RANBP2: variants seen among roughly 807,000 people sequenced by gnomAD.
RANBP2 encodes E3 SUMO-protein ligase RanBP2.
Under a neutral mutation model 303.6 loss-of-function variants are expected in RANBP2, and 57 were observed. The ratio of observed to expected loss-of-function variants is 0.19; its 90% CI spans 0.15 to 0.23. The LOEUF is 0.23. Among genes scored for constraint, RANBP2 ranks in the 10% least tolerant of loss-of-function variants. The probability of loss-of-function intolerance (pLI) is 1.00; values close to 1 mark genes in which losing one functional copy is unlikely to be tolerated. For synonymous variants in RANBP2, 1,167 were observed against 1,301.5 expected (o/e 0.90, Z 2.23); for missense variants, 3,138 against 3,780.8 (o/e 0.83, Z 4.46).
In RANBP2 at chr2:108,765,117, A is replaced by G; in HGVS notation, c.4578A>G (p.Ser1526=). 6.2e-7 allele frequency: 1 copy of G among 1,614,066 alleles called. No individual in the cohort carries two copies. The highest frequency in any genetic ancestry group is 8.5e-7 in the Non-Finnish European group (1 of 1,179,974). Reference sequence around the variant, plus strand: ...CTGCCTCTTTTAAGTTTGGTACTTCAGAGACAAGTAAAACTCTAAAAAGTG... The same window carrying G: ...CTGCCTCTTTTAAGTTTGGTACTTCGGAGACAAGTAAAACTCTAAAAAGTG... The part of the protein sequence containing the change: ...PTPASFKFGT[S]ETSKTLKSGF... Residue 1526 remains serine, a synonymous_variant, in exon 20 of 29, where the codon TCA becomes TCG. Coordinates refer to ENST00000283195, the MANE Select transcript of RANBP2 (RefSeq NM_006267.5).
At chr2:109,508,553 T>G in the RANBP2 span, among the ~76,000 whole-genome samples, 3 of 152,014 alleles carry the variant, frequency 2.0e-5, no homozygotes, top group East Asian at 5.8e-4. Flanking sequence ...AGAGGAAACG[T>G]CAACAGACGT....
the RANBP2 span, among the ~76,000 whole-genome samples, chr2:109,371,961 C>T: frequency 3.3e-5 from 5 of 152,200 alleles, no homozygotes; most frequent in East Asian, 1.9e-4. Context: ...GCACCTTCCC[C>T]GTTTTCTCAA....
chr2:109,005,762 C>CT, the RANBP2 span, among the ~76,000 whole-genome samples: 1 of 152,234 alleles, frequency 6.6e-6, no homozygotes, highest in African/African-American at 2.4e-5. Context: ...GGCCACAAAA[C>CT]TTTGCTTACC....
the RANBP2 span, among the ~76,000 whole-genome samples, chr2:109,319,671 T>G: frequency 6.6e-6 from 1 of 152,220 alleles, no homozygotes; most frequent in East Asian, 1.9e-4. Flanking sequence ...CTCCTCTCTT[T>G]TTAAAGTGTG....
chr2:109,216,820 T>C, the RANBP2 span, among the ~76,000 whole-genome samples: 3 of 152,256 alleles, frequency 2.0e-5, no homozygotes, highest in African/African-American at 4.8e-5. Context: ...TTTAGCCATT[T>C]GTAAGCAAAC....
the RANBP2 span, among the ~76,000 whole-genome samples, chr2:109,191,560 C>T: frequency 1.3e-5 from 2 of 152,176 alleles, no homozygotes. Context: ...CTTGACGCTG[C>T]CTCCCACATT....
At chr2:109,199,622 T>TCAACC in the RANBP2 span, among the ~76,000 whole-genome samples, 9 of 126 alleles carry the variant, frequency 0.071, 1 homozygote, top group East Asian at 0.25. Flanking sequence ...TGGAATGGAA[T>TCAACC]GGAATGGAAT....
the RANBP2 span, chr2:109,129,951 G>A: frequency 6.8e-7 from 1 of 1,468,292 alleles, no homozygotes; most frequent in Admixed American, 2.3e-5. Context: ...GCCCGCCCGC[G>A]CGTCCCATCC....
chr2:109,578,811 T>C, the RANBP2 span, among the ~76,000 whole-genome samples: 2 of 152,002 alleles, frequency 1.3e-5, no homozygotes, highest in Admixed American at 6.6e-5. Flanking sequence ...GAAAATACTA[T>C]GTATCAAACT....
Position 108,751,940 on chromosome 2 carries a change from A to G in RANBP2, c.1701A>G (p.Lys567=). ...TAAACACTCTAAGAGCCCAGGAAAA[A>G]CATGGCCTTCAACCTGCTCTGCTTG... ...HEINTLRAQE[K]HGLQPALLVH... is the part of the protein sequence containing the mutation. The change falls in exon 12 of 29, where the codon AAA becomes AAG. Residue 567 remains lysine (K), a synonymous_variant. Coordinates refer to ENST00000283195, the MANE Select transcript of RANBP2 (RefSeq NM_006267.5). 1 of 1,612,006 alleles carries G rather than the reference A, an allele frequency of 6.2e-7. No individual in the cohort carries two copies. Among genetic ancestry groups the G allele is most frequent in the African/African-American group, 1.3e-5 (1 of 74,970 alleles).
At chr2:109,761,518 C>T in the RANBP2 span, among the ~76,000 whole-genome samples, 2 of 148,482 alleles carry the variant, frequency 1.3e-5, no homozygotes, top group Non-Finnish European at 3.0e-5. Context: ...TTCCGTTTCT[C>T]GGGGATCTCA....
At chr2:109,148,044 C>G in the RANBP2 span, among the ~76,000 whole-genome samples, 2 of 152,158 alleles carry the variant, frequency 1.3e-5, no homozygotes, top group Non-Finnish European at 2.9e-5. Context: ...TGGTTTGTTG[C>G]ATGGTGACTG....
chr2:109,515,903 GC>G, the RANBP2 span, among the ~76,000 whole-genome samples: 1 of 152,220 alleles, frequency 6.6e-6, no homozygotes, highest in South Asian at 2.1e-4. Context: ...TGAGGGATCC[GC>G]CCCACGACCC....
chr2:109,384,311 C>T, the RANBP2 span, among the ~76,000 whole-genome samples: 7,193 of 152,206 alleles, frequency 0.047, 479 homozygotes, highest in African/African-American at 0.15. Flanking sequence ...TTCTACTCTC[C>T]GTGGAGAAAG....
the RANBP2 span, among the ~76,000 whole-genome samples, chr2:109,025,696 G>A: frequency 1.3e-5 from 2 of 151,894 alleles, no homozygotes; most frequent in Admixed American, 1.3e-4. Flanking sequence ...TACTCGGGAG[G>A]CTGAGGCAGG....
chr2:109,279,612 CT>C, the RANBP2 span, among the ~76,000 whole-genome samples: 37 of 152,364 alleles, frequency 2.4e-4, no homozygotes, highest in South Asian at 6.2e-4. Flanking sequence ...GGATACCTTT[CT>C]TCCCCACCCC....
At chr2:109,561,562 GC>G in the RANBP2 span, among the ~76,000 whole-genome samples, 1 of 152,040 alleles carries the variant, frequency 6.6e-6, no homozygotes, top group Non-Finnish European at 1.5e-5. Context: ...AATTACTATG[GC>G]AGCCCTAACT....
chr2:109,372,959 G>A, the RANBP2 span, among the ~76,000 whole-genome samples: 5 of 152,204 alleles, frequency 3.3e-5, no homozygotes, highest in Admixed American at 3.3e-4. Flanking sequence ...CTTTAGCTTA[G>A]CATTCAAAGC....
the RANBP2 span, chr2:109,347,985 T>TGCA: frequency 6.4e-7 from 1 of 1,562,960 alleles, no homozygotes; most frequent in Non-Finnish European, 8.7e-7. Flanking sequence ...CGCCAGCCCA[T>TGCA]GCAGCCTCTG....
Sources: allele counts gnomAD v4.1 joint callset (sites outside exome capture counted in the v4.1 genomes callset), GRCh38; gene constraint gnomAD v4.1.1; transcripts MANE v1.5; gene names NCBI Gene and HGNC (gene_info 2026-07-23, HGNC 2026-07-21).